Variants in ELL observed in about 807,000 individuals in gnomAD.
The protein encoded by ELL is RNA polymerase II elongation factor ELL.
A neutral mutation model predicts 64.0 loss-of-function variants in ELL; 18 were observed. The ratio of observed to expected loss-of-function variants is 0.28; its 90% CI spans 0.19 to 0.42. The LOEUF (loss-of-function observed/expected upper bound fraction) is 0.42, where lower values mean the gene tolerates loss of function less well. Ranked by LOEUF, ELL falls within the 10% of genes least tolerant of loss-of-function variation. The pLI, the probability that ELL is intolerant of heterozygous loss-of-function variation, is 1.00. For synonymous variants in ELL, 399 were observed against 376.2 expected (o/e 1.06, Z -0.70); for missense variants, 797 against 870.4 (o/e 0.92, Z 1.06).
chr19:18,460,962 C>T (rs933261883), intron 5 of ELL, among the ~76,000 whole-genome samples: 1 of 152,128 alleles, frequency 6.6e-6, no homozygotes, highest in African/African-American at 2.4e-5. Context: ...CCTCAGGAAC[C>T]TCCATGGGTG....
intron 1 of ELL, among the ~76,000 whole-genome samples, chr19:18,500,357 T>C (rs1975756090): frequency 6.6e-6 from 1 of 151,962 alleles, no homozygotes; most frequent in South Asian, 2.1e-4. Context: ...TTCCTGTGCA[T>C]ATCGTGGGTT....
In ELL at chr19:18,454,222, G is replaced by A. The variant is rs189731495; in HGVS notation, c.870-2574C>T. ...TCTTTAAAAAACATCCTTAGAGGCC[G>A]GGCCCGATGGCTCACGCCTGTAATC... On this transcript the variant is annotated intron_variant, in intron 6 of 11. Coordinates refer to ENST00000262809, the MANE Select transcript of ELL (RefSeq NM_006532.4). 2.8e-3 allele frequency among the ~76,000 whole-genome samples: 431 copies of A among 152,322 alleles called. 5 individuals are homozygous for A. Among genetic ancestry groups the A allele is most frequent in the Non-Finnish European group, 3.7e-3 (255 of 68,028 alleles).
intron 6 of ELL, among the ~76,000 whole-genome samples, chr19:18,453,548 C>T (rs1235847011): frequency 1.3e-5 from 2 of 152,246 alleles, no homozygotes; most frequent in East Asian, 3.9e-4. Context: ...TACCACTTCA[C>T]ACACACCCAG....
In ELL at chr19:18,451,472, G is replaced by A. The variant is rs560690579; in HGVS notation, c.966+80C>T. 89 of 1,219,334 alleles carry A rather than the reference G, an allele frequency of 7.3e-5. 1 individual carries two copies. The highest frequency in any genetic ancestry group is 6.9e-4 in the South Asian group (40 of 57,834). 75.5% of individuals were successfully genotyped at this position (1,219,334 alleles called of 1,614,324 possible). A position where few individuals can be genotyped will look rare whatever the true frequency, so the allele number is the denominator to read the frequency against. On this transcript the variant is annotated intron_variant, in intron 7 of 11. Coordinates refer to ENST00000262809, the MANE Select transcript of ELL (RefSeq NM_006532.4). ...GCTCATGCTCCAAAGAGCTGGTGAG[G>A]AAGGTGACAAGGGTTACTGATGCAG... is the stretch of plus-strand genomic sequence containing the variant.
intron 3 of ELL, 35 bp from the exon 4 acceptor site, chr19:18,465,610 T>G: frequency 6.4e-7 from 1 of 1,556,556 alleles, no homozygotes; most frequent in African/African-American, 1.4e-5. Flanking sequence ...GGTCAGCAGC[T>G]GGGACAATGC....
chr19:18,516,972 AT>A (rs1258346017), intron 1 of ELL, among the ~76,000 whole-genome samples: 2 of 151,934 alleles, frequency 1.3e-5, no homozygotes, highest in Non-Finnish European at 2.9e-5. Context: ...CTGGGCCCTC[AT>A]TTTTTTCTGA....
At chr19:18,476,643 G>A (rs1294089374) in intron 1 of ELL, among the ~76,000 whole-genome samples, 2 of 152,206 alleles carry the variant, frequency 1.3e-5, no homozygotes, top group Non-Finnish European at 2.9e-5. Context: ...GAGGAGAAGG[G>A]CTGAGGGGCC....
chr19:18,503,813 C>CA (rs1344615915), intron 1 of ELL, among the ~76,000 whole-genome samples: 1 of 152,190 alleles, frequency 6.6e-6, no homozygotes, highest in African/African-American at 2.4e-5. Context: ...TTCCCTGCTG[C>CA]AGGCTGGATG....
At chr19:18,465,939 T>C (rs746501884) in intron 2 of ELL, 21 bp from the exon 3 acceptor site, 5 of 1,287,678 alleles carry the variant, frequency 3.9e-6, no homozygotes, top group Non-Finnish European at 4.9e-6. Flanking sequence ...GGGGAGGGGG[T>C]GTCACTGGGA....
At chr19:18,506,975 G>A (rs1369705528) in intron 1 of ELL, among the ~76,000 whole-genome samples, 1 of 152,126 alleles carries the variant, frequency 6.6e-6, no homozygotes, top group Non-Finnish European at 1.5e-5. Flanking sequence ...CCTACATTAT[G>A]GGGTCATGTG....
Position 18,521,935 on chromosome 19 carries a change from A to G in ELL, c.121T>C (p.Tyr41His). 6.2e-7 allele frequency: 1 copy of G among 1,602,126 alleles called. No homozygotes were observed. The highest frequency in any genetic ancestry group is 8.5e-7 in the Non-Finnish European group (1 of 1,174,518). ...TDSALRAFESYRARQDSVSLR... is the reference protein window; with the variant it reads ...TDSALRAFESHRARQDSVSLR... ...ATGCCACTCACCTGTCTGGCGCGGT[A>G]GCTCTCGAAGGCCCTCAGGGCACTG... The change falls in exon 1 of 12, where the codon TAC (tyrosine) becomes CAC (histidine). Residue 41 changes from tyrosine (Y) to histidine (H), a missense_variant. Transcript: ENST00000262809.
chr19:18,482,794 T>TGCTGC (rs1975331970), intron 1 of ELL, among the ~76,000 whole-genome samples: 1 of 150,066 alleles, frequency 6.7e-6, no homozygotes, highest in Non-Finnish European at 1.5e-5. Context: ...GTTGTTGTTG[T>TGCTGC]TGCTGCTGTT....
intron 1 of ELL, among the ~76,000 whole-genome samples, chr19:18,515,901 G>A (rs1325289437): frequency 6.6e-6 from 1 of 152,120 alleles, no homozygotes; most frequent in East Asian, 1.9e-4. Context: ...TGTCCCTGTC[G>A]TGAAGGGGGA....
chr19:18,492,462 C>T (rs1345539247), intron 1 of ELL, among the ~76,000 whole-genome samples: 2 of 152,246 alleles, frequency 1.3e-5, no homozygotes, highest in African/African-American at 4.8e-5. Flanking sequence ...TCAGCACTAT[C>T]TGTGCCTCTG....
chr19:18,459,197 A>C (rs1024574191), intron 5 of ELL, among the ~76,000 whole-genome samples: 9 of 151,768 alleles, frequency 5.9e-5, no homozygotes, highest in African/African-American at 2.2e-4. Context: ...TCTGATCACA[A>C]CTCCCAGGGA....
intron 2 of ELL, chr19:18,472,493 A>G (rs550416992): frequency 4.8e-5 from 15 of 309,710 alleles, no homozygotes; most frequent in Non-Finnish European, 8.9e-5. Context: ...ACTCACCCAC[A>G]GCTCACCTCC....
At chr19:18,516,842 A>C (rs1225582033) in intron 1 of ELL, among the ~76,000 whole-genome samples, 1 of 152,188 alleles carries the variant, frequency 6.6e-6, no homozygotes, top group African/African-American at 2.4e-5. Context: ...TGCTGACCCC[A>C]GTTCTGAGAA....
chr19:18,508,736 C>T (rs924141172), intron 1 of ELL, among the ~76,000 whole-genome samples: 1 of 152,254 alleles, frequency 6.6e-6, no homozygotes, highest in Non-Finnish European at 1.5e-5. Flanking sequence ...ACAGTTGCAG[C>T]CTTGGCTGCC....
intron 2 of ELL, among the ~76,000 whole-genome samples, chr19:18,469,976 G>A (rs572498316): frequency 3.3e-5 from 5 of 152,246 alleles, no homozygotes; most frequent in African/African-American, 4.8e-5. Context: ...GCAGGCTGCC[G>A]GCAGCATGGC....
Sources: gnomAD v4.1 joint callset for allele counts (sites outside exome capture counted in the v4.1 genomes callset) on GRCh38, gnomAD v4.1.1 for gene constraint, MANE v1.5 for transcripts, NCBI Gene and HGNC (gene_info 2026-07-23, HGNC 2026-07-21) for gene names.